The following EEIG2 variants were observed in gnomAD, a reference collection of about 807,000 sequenced individuals.
The protein encoded by EEIG2 is family with sequence similarity 102 member B.
At chr1:108,576,690 C>G in the EEIG2 span, among the ~76,000 whole-genome samples, 1 of 148,048 alleles carries the variant, frequency 6.8e-6, no homozygotes, top group African/African-American at 2.5e-5. Context: ...TTAATCCAGT[C>G]TATCATTGTT....
chr1:108,620,568 T>C, the EEIG2 span, among the ~76,000 whole-genome samples: 1 of 152,054 alleles, frequency 6.6e-6, no homozygotes, highest in Non-Finnish European at 1.5e-5. Flanking sequence ...GATCTAGGGG[T>C]GATATAAGTC....
the EEIG2 span, among the ~76,000 whole-genome samples, chr1:108,623,387 T>C: frequency 6.6e-6 from 1 of 152,076 alleles, no homozygotes; most frequent in East Asian, 1.9e-4. Flanking sequence ...CCCTGCTAAC[T>C]GGGGGACTAA....
the EEIG2 span, chr1:108,635,297 C>A: frequency 1.0e-6 from 1 of 959,008 alleles, no homozygotes. Flanking sequence ...AAGGACCCAC[C>A]GCCATCCTGT....
the EEIG2 span, among the ~76,000 whole-genome samples, chr1:108,601,945 GACTTT>G: frequency 6.6e-6 from 1 of 152,162 alleles, no homozygotes; most frequent in African/African-American, 2.4e-5. Context: ...TGCCCCCAGG[GACTTT>G]ACTTTCTGGA....
chr1:108,630,507 A>G, the EEIG2 span, among the ~76,000 whole-genome samples: 1 of 152,244 alleles, frequency 6.6e-6, no homozygotes, highest in Non-Finnish European at 1.5e-5. Context: ...GCACACCAAC[A>G]TGGCACATGT....
At chr1:108,561,268 AAATAATAGGTGTGGCATT>A in the EEIG2 span, among the ~76,000 whole-genome samples, 26 of 152,230 alleles carry the variant, frequency 1.7e-4, no homozygotes, top group African/African-American at 6.0e-4. Flanking sequence ...TGAAGCTATT[AAATAATAGGTGTGGCATT>A]AATAATAGGT....
At chr1:108,577,800 A>G in the EEIG2 span, among the ~76,000 whole-genome samples, 8 of 145,518 alleles carry the variant, frequency 5.5e-5, no homozygotes, top group Non-Finnish European at 1.2e-4. Flanking sequence ...TTGGTTCCAT[A>G]TGAACTTTAA....
At chr1:108,611,717 T>C in the EEIG2 span, among the ~76,000 whole-genome samples, 1 of 152,322 alleles carries the variant, frequency 6.6e-6, no homozygotes, top group Admixed American at 6.5e-5. Flanking sequence ...CCTTCACCAG[T>C]GGTTAACTTG....
chr1:108,624,552 G>A, the EEIG2 span: 3 of 991,898 alleles, frequency 3.0e-6, no homozygotes, highest in Non-Finnish European at 4.5e-6. Flanking sequence ...TTACCAAGCA[G>A]TCTATGCTAA....
the EEIG2 span, chr1:108,628,858 G>C: frequency 6.4e-7 from 1 of 1,551,574 alleles, no homozygotes; most frequent in Non-Finnish European, 8.8e-7. Context: ...TTTGTAATCT[G>C]TGTAGTCAGC....
chr1:108,638,584 T>A, the EEIG2 span: 2 of 152,284 alleles, frequency 1.3e-5, no homozygotes, highest in Non-Finnish European at 1.5e-5. Context: ...TCTTAACAGG[T>A]CTTTAAATTG....
the EEIG2 span, among the ~76,000 whole-genome samples, chr1:108,570,513 G>A: frequency 6.6e-6 from 1 of 152,220 alleles, no homozygotes; most frequent in East Asian, 1.9e-4. Flanking sequence ...TAGAATAAGG[G>A]ATGTGAGGAT....
At chr1:108,614,707 C>T in the EEIG2 span, among the ~76,000 whole-genome samples, 1 of 152,166 alleles carries the variant, frequency 6.6e-6, no homozygotes, top group African/African-American at 2.4e-5. Context: ...ACCCCTTAGA[C>T]TATCCCCTCT....
the EEIG2 span, among the ~76,000 whole-genome samples, chr1:108,570,975 A>G: frequency 6.6e-6 from 1 of 152,196 alleles, no homozygotes; most frequent in Non-Finnish European, 1.5e-5. Flanking sequence ...TTACTTCAGT[A>G]GAGCAGGCCA....
chr1:108,565,777 A>G, the EEIG2 span, among the ~76,000 whole-genome samples: 1 of 152,224 alleles, frequency 6.6e-6, no homozygotes, highest in African/African-American at 2.4e-5. Flanking sequence ...TCTTTTGGCC[A>G]GAGTACATCC....
the EEIG2 span, among the ~76,000 whole-genome samples, chr1:108,618,117 A>G: frequency 0.049 from 7,511 of 152,236 alleles, 610 homozygotes; most frequent in African/African-American, 0.17. Flanking sequence ...CATTTTTAAG[A>G]TGGAAGATGA....
the EEIG2 span, among the ~76,000 whole-genome samples, chr1:108,622,761 C>T: frequency 1.3e-5 from 2 of 152,200 alleles, no homozygotes; most frequent in African/African-American, 2.4e-5. Flanking sequence ...TTAAATGTCT[C>T]TATCCCCAAG....
At chr1:108,616,121 CTTCT>C in the EEIG2 span, among the ~76,000 whole-genome samples, 28 of 103,982 alleles carry the variant, frequency 2.7e-4, no homozygotes, top group South Asian at 1.0e-3. Context: ...TAACCCACTT[CTTCT>C]TTTTTTTTTT....
the EEIG2 span, among the ~76,000 whole-genome samples, chr1:108,624,432 T>TA: frequency 0.02 from 1,768 of 89,496 alleles, 29 homozygotes; most frequent in East Asian, 0.13. Flanking sequence ...CTTGTTATGT[T>TA]AAAAAAAAAA....
Sources: gnomAD v4.1 joint callset for allele counts (sites outside exome capture counted in the v4.1 genomes callset) on GRCh38, gnomAD v4.1.1 for gene constraint, MANE v1.5 for transcripts, NCBI Gene and HGNC (gene_info 2026-07-23, HGNC 2026-07-21) for gene names.